GRID2: variants seen among roughly 807,000 people sequenced by gnomAD.
GRID2 encodes glutamate ionotropic receptor delta type subunit 2.
A neutral mutation model predicts 114.8 loss-of-function variants in GRID2; 33 were observed. The observed-to-expected ratio is 0.29, with a 90% CI of 0.22 to 0.38. The LOEUF is 0.38. Among genes scored for constraint, GRID2 ranks in the 10% least tolerant of loss-of-function variants. GRID2 has a pLI of 1.00. For synonymous variants in GRID2, 505 were observed against 449.9 expected (o/e 1.12, Z -1.55); for missense variants, 1,184 against 1,257.7 (o/e 0.94, Z 0.89).
chr4:92,561,456 C>G (rs1487494502), intron 1 of GRID2, among the ~76,000 whole-genome samples: 2 of 152,146 alleles, frequency 1.3e-5, no homozygotes, highest in African/African-American at 4.8e-5. Context: ...ATGTTTCATA[C>G]CAGTAGGTAT....
intron 7 of GRID2, among the ~76,000 whole-genome samples, chr4:93,237,120 T>C (rs1746892679): frequency 1.3e-5 from 2 of 151,944 alleles, no homozygotes; most frequent in Non-Finnish European, 2.9e-5. Context: ...CCGAAGCCAT[T>C]GGTGAAACCC....
intron 1 of GRID2, among the ~76,000 whole-genome samples, chr4:93,781,246 G>A (rs963348441): frequency 2.0e-5 from 3 of 152,182 alleles, no homozygotes; most frequent in Admixed American, 6.5e-5. Flanking sequence ...GGAACTGAGG[G>A]ATCATCTAGA....
chr4:92,870,689 G>A (rs536177729), intron 2 of GRID2, among the ~76,000 whole-genome samples: 68 of 152,210 alleles, frequency 4.5e-4, no homozygotes, highest in African/African-American at 1.4e-3. Flanking sequence ...AGAGAAATAT[G>A]AAGTTGTTCA....
chr4:93,339,537 A>G lies in GRID2; in HGVS notation c.1246-56070A>G, dbSNP rs183041204. ...TTTCAGAGGGAATATGGCCCTGACC[A>G]TACCTTGCTTATGGATTTCCCTCCA... On this transcript the variant is annotated intron_variant, in intron 8 of 15. Coordinates refer to ENST00000282020, the MANE Select transcript of GRID2 (RefSeq NM_001510.4). Among the ~76,000 whole-genome samples, 3 of 152,288 alleles carry G rather than the reference A, an allele frequency of 2.0e-5. No homozygotes were observed. The East Asian group carries it at 5.8e-4, about 29-fold the overall frequency.
intron 1 of GRID2, among the ~76,000 whole-genome samples, chr4:93,791,107 TA>T (rs1411835289): frequency 6.6e-6 from 1 of 152,206 alleles, no homozygotes; most frequent in Non-Finnish European, 1.5e-5. Context: ...AATCCAGTTC[TA>T]AAAGATCTTT....
chr4:93,162,389 A>G (rs1006012229), intron 4 of GRID2, among the ~76,000 whole-genome samples: 17 of 151,966 alleles, frequency 1.1e-4, no homozygotes, highest in African/African-American at 4.1e-4. Flanking sequence ...TATAATAAAC[A>G]TGTCAGCTTA....
intron 2 of GRID2, among the ~76,000 whole-genome samples, chr4:92,854,553 A>G (rs1050185483): frequency 2.7e-5 from 4 of 147,618 alleles, no homozygotes; most frequent in African/African-American, 9.9e-5. Context: ...GTGAGTGAGG[A>G]TGTGTGTGTG....
At chr4:93,130,209 G>A (rs1342374567) in intron 4 of GRID2, among the ~76,000 whole-genome samples, 1 of 152,198 alleles carries the variant, frequency 6.6e-6, no homozygotes, top group African/African-American at 2.4e-5. Flanking sequence ...GGAGGCTGAT[G>A]TGGGTGGATC....
chr4:92,987,004 C>T (rs1395993479), intron 2 of GRID2, among the ~76,000 whole-genome samples: 2 of 151,994 alleles, frequency 1.3e-5, no homozygotes, highest in South Asian at 2.1e-4. Flanking sequence ...ATAATGTATA[C>T]CCTTGAACAA....
intron 14 of GRID2, among the ~76,000 whole-genome samples, chr4:93,696,825 G>T (rs1192953602): frequency 6.6e-6 from 1 of 151,930 alleles, no homozygotes; most frequent in Non-Finnish European, 1.5e-5. Flanking sequence ...CCAAATTTTG[G>T]CTTGTAATAC....
In GRID2 at chr4:92,844,717, AAAAG is replaced by A. The variant is rs1477068069; in HGVS notation, c.245-240270_245-240267del. ...CAAGACTCTGTCTCAAAAAAAAAAAAAAAGAAAGAAAAAAAAAAGATTGAATTTG... is the reference window on the plus strand; with the variant it reads ...CAAGACTCTGTCTCAAAAAAAAAAAAAAAGAAAAAAAAAAGATTGAATTTG... On this transcript the variant is annotated intron_variant, in intron 2 of 15. Coordinates refer to ENST00000282020, the MANE Select transcript of GRID2 (RefSeq NM_001510.4). Among the ~76,000 whole-genome samples the A allele has an allele frequency of 1.9e-4, 29 of 151,774 alleles. No individual in the cohort carries two copies. The East Asian group carries it at 2.7e-3, about 14-fold the overall frequency.
chr4:93,732,887 C>A (rs1182848187), intron 14 of GRID2, among the ~76,000 whole-genome samples: 3 of 150,642 alleles, frequency 2.0e-5, no homozygotes, highest in Non-Finnish European at 4.4e-5. Context: ...CAAACATTTG[C>A]TTTGTTGTGC....
intron 2 of GRID2, among the ~76,000 whole-genome samples, chr4:93,017,773 C>A (rs1357146947): frequency 4.8e-5 from 7 of 145,244 alleles, no homozygotes; most frequent in Non-Finnish European, 9.0e-5. Context: ...CCAGCCAGGA[C>A]TCCAGCCAGG....
At chr4:92,536,864 C>A (rs764841276) in intron 1 of GRID2, among the ~76,000 whole-genome samples, 16 of 152,082 alleles carry the variant, frequency 1.1e-4, no homozygotes, top group Non-Finnish European at 2.4e-4. Context: ...AAAAATGTTT[C>A]TTTTCTGTTT....
intron 1 of GRID2, among the ~76,000 whole-genome samples, chr4:92,485,422 A>G (rs1722837867): frequency 6.8e-6 from 1 of 148,104 alleles, no homozygotes; most frequent in Non-Finnish European, 1.5e-5. Context: ...AAAATAGGCC[A>G]GTCCTGGTGA....
chr4:92,326,845 C>A (rs1371863243), intron 1 of GRID2, among the ~76,000 whole-genome samples: 2 of 151,964 alleles, frequency 1.3e-5, no homozygotes, highest in Non-Finnish European at 2.9e-5. Flanking sequence ...TATTTGTCCC[C>A]TTATTAACTG....
intron 11 of GRID2, among the ~76,000 whole-genome samples, chr4:93,482,614 A>C (rs989241761): frequency 6.6e-6 from 1 of 151,936 alleles, no homozygotes; most frequent in African/African-American, 2.4e-5. Context: ...TGACGGGTTG[A>C]TGTTTACAGC....
Position 92,895,384 on chromosome 4 carries a change from C to CATATATATATATATATATATATATAT in GRID2, c.245-189590_245-189589insTATATATATATATATATATATATATA, listed in dbSNP as rs10528035. On this transcript the variant is annotated intron_variant, in intron 2 of 15. Transcript: ENST00000282020. ...TTGAATTGACACATCATGTAGAAAA[C>CATATATATATATATATATATATATAT]ATATATATATATATATATATAAACT... 9.6e-3 allele frequency among the ~76,000 whole-genome samples: 1,035 copies of CATATATATATATATATATATATATAT among 107,842 alleles called. 59 individuals carry two copies. Among genetic ancestry groups the CATATATATATATATATATATATATAT allele is most frequent in the African/African-American group, 0.032 (642 of 20,024 alleles). The allele number at this position is 107,842 out of a possible 152,430, so 70.7% of individuals were successfully genotyped here.
chr4:93,161,741 A>T (rs1737703283), intron 4 of GRID2, among the ~76,000 whole-genome samples: 1 of 151,772 alleles, frequency 6.6e-6, no homozygotes, highest in Non-Finnish European at 1.5e-5. Flanking sequence ...AGTTTGCCTT[A>T]TAAGTTTTAT....
Sources: allele counts gnomAD v4.1 joint callset (sites outside exome capture counted in the v4.1 genomes callset), GRCh38; gene constraint gnomAD v4.1.1; transcripts MANE v1.5; gene names NCBI Gene and HGNC (gene_info 2026-07-23, HGNC 2026-07-21).